GFM2: variants seen among roughly 807,000 people sequenced by gnomAD.
GFM2 encodes the protein ribosome-releasing factor 2, mitochondrial.
In GFM2, 72 loss-of-function variants were observed where a neutral mutation model predicts 95.4. That is an observed-to-expected ratio of 0.76 (90% confidence interval 0.62 to 0.92). The LOEUF is 0.92. Ranked by LOEUF, GFM2 falls within the 40% of genes least tolerant of loss-of-function variation. The pLI, the probability that GFM2 is intolerant of heterozygous loss-of-function variation, is 0.00. For synonymous variants in GFM2, 276 were observed against 317.5 expected (o/e 0.87, Z 1.39); for missense variants, 825 against 924.1 (o/e 0.89, Z 1.39).
intron 19 of GFM2, among the ~76,000 whole-genome samples, chr5:74,724,772 A>G (rs1291402367): frequency 6.6e-6 from 1 of 152,224 alleles, no homozygotes; most frequent in Non-Finnish European, 1.5e-5. Flanking sequence ...TCCAAGTATT[A>G]AAAAATGGCT....
At chr5:74,736,707 C>A in intron 15 of GFM2, 89 bp downstream of exon 15, 1 of 1,553,144 alleles carries the variant, frequency 6.4e-7, no homozygotes, top group South Asian at 1.2e-5. Flanking sequence ...TTACCTCAAT[C>A]ACATAAGAAA....
At chr5:74,755,074 C>T (rs563458713) in intron 5 of GFM2, among the ~76,000 whole-genome samples, 26 of 152,150 alleles carry the variant, frequency 1.7e-4, no homozygotes, top group East Asian at 9.7e-4. Context: ...CCAGGCTAGA[C>T]GACACAGCCA....
chr5:74,753,548 G>A (rs1743824572), intron 5 of GFM2, among the ~76,000 whole-genome samples: 1 of 152,136 alleles, frequency 6.6e-6, no homozygotes, highest in Non-Finnish European at 1.5e-5. Context: ...AGTGAGCCGA[G>A]ATTGTACCAC....
Position 74,721,606 on chromosome 5 carries a change from A to C in GFM2, c.*49T>G. On this transcript the variant is annotated 3_prime_UTR_variant, in exon 21 of 21. Coordinates refer to ENST00000296805, the MANE Select transcript of GFM2 (RefSeq NM_032380.5). ...AAGCAATAAAAATTGTTCTTACTGAAAATGAAGTAGCTAGGTGCTCCTGAA... is the reference window on the plus strand; with the variant it reads ...AAGCAATAAAAATTGTTCTTACTGACAATGAAGTAGCTAGGTGCTCCTGAA... 4 of 1,583,302 alleles carry C rather than the reference A, an allele frequency of 2.5e-6. No homozygotes were observed. The highest frequency in any genetic ancestry group is 3.4e-6 in the Non-Finnish European group (4 of 1,163,998).
At position 74,731,194 on chromosome 5, in the gene GFM2, A is replaced by G. The variant is rs192038195; in HGVS notation, c.1588-796T>C. The stretch of plus-strand genomic sequence containing the variant: ...CTATACCTTGTAAATGGGGGGAATA[A>G]CCTTTCTAAAAAACCTTTCCCAACA... On this transcript the variant is annotated intron_variant, in intron 16 of 20. Transcript: ENST00000296805. Among the ~76,000 whole-genome samples, 306 of 152,306 alleles carry G rather than the reference A, an allele frequency of 2.0e-3. 1 individual carries two copies. Among genetic ancestry groups the G allele is most frequent in the South Asian group, 0.013 (63 of 4,828 alleles).
At chr5:74,733,209 G>A (rs1407160548) in intron 15 of GFM2, 111 bp from the exon 16 acceptor site, 5 of 744,804 alleles carry the variant, frequency 6.7e-6, no homozygotes, top group East Asian at 2.9e-5. Flanking sequence ...AAGAAATTTC[G>A]ACCAGGTGTG....
At chr5:74,743,002 C>T (rs1293156679) in intron 10 of GFM2, among the ~76,000 whole-genome samples, 2 of 152,188 alleles carry the variant, frequency 1.3e-5, no homozygotes, top group East Asian at 1.9e-4. Flanking sequence ...GTGTTAAGTA[C>T]TTTCACATTA....
rs1317823668 is a variant in GFM2, at chr5:74,722,529, C to G, written c.2061G>C (p.Glu687Asp). Residue 687 changes from glutamate to aspartate, a missense_variant, in exon 20 of 21, where the codon GAG (glutamate) becomes GAC (aspartate). Coordinates refer to ENST00000296805, the MANE Select transcript of GFM2 (RefSeq NM_032380.5). ...ALKKADKQVLEPLMNLEVTVA... is the reference protein window; with the variant it reads ...ALKKADKQVLDPLMNLEVTVA... The stretch of plus-strand genomic sequence containing the variant: ...CTGTAACCTCAAGATTCATCAGAGG[C>G]TCCAAAACTTGCTTATCAGCTTTCT... 1.2e-6 allele frequency: 2 copies of G among 1,613,070 alleles called. No homozygotes were observed. The highest frequency in any genetic ancestry group is 2.7e-5 in the African/African-American group (2 of 74,840).
rs752752009 is a variant in GFM2, at chr5:74,725,751, T to A, written c.1917A>T (p.Pro639=). Residue 639 remains proline (P), a synonymous_variant, in exon 19 of 21, where the codon CCA becomes CCT. Coordinates refer to ENST00000296805, the MANE Select transcript of GFM2 (RefSeq NM_032380.5). The part of the protein sequence containing the change: ...NGIHSACLQG[P]LLGSPIQDVA... ...CATCCTGAATTGGGGATCCAAGCAA[T>A]GGTCCTAGACAAGGGAAAAAAATTG... is the stretch of plus-strand genomic sequence containing the variant. 6.2e-7 allele frequency: 1 copy of A among 1,610,916 alleles called. No individual in the cohort carries two copies. The highest frequency in any genetic ancestry group is 1.1e-5 in the South Asian group (1 of 90,986).
chr5:74,747,842 G>C (rs753517529), intron 7 of GFM2, 62 bp from the exon 8 acceptor site: 17 of 877,736 alleles, frequency 1.9e-5, no homozygotes, highest in Non-Finnish European at 3.1e-5. Context: ...ACTAGACCTG[G>C]AATGAAGAGA....
At chr5:74,758,257 A>C (rs1048872034) in intron 5 of GFM2, among the ~76,000 whole-genome samples, 5 of 152,170 alleles carry the variant, frequency 3.3e-5, no homozygotes, top group African/African-American at 1.2e-4. Context: ...TTATGGAAAA[A>C]ACAACTTCTG....
At position 74,725,938 on chromosome 5, in the gene GFM2, T is replaced by C; in HGVS notation, c.1912+3A>G. ...AATGCTTACTCTCATTTGAGTGTCT[T>C]ACCTTGGAGACATGCGCTGTGAATT... On this transcript the variant is annotated splice_donor_region_variant and intron_variant, in intron 18 of 20. Transcript: ENST00000296805. 1 of 1,605,800 alleles carries C rather than the reference T, an allele frequency of 6.2e-7. No individual in the cohort carries two copies. Among genetic ancestry groups the C allele is most frequent in the Non-Finnish European group, 8.5e-7 (1 of 1,175,866 alleles).
chr5:74,731,838 T>C (rs972387990), intron 16 of GFM2, among the ~76,000 whole-genome samples: 1 of 151,988 alleles, frequency 6.6e-6, no homozygotes, highest in African/African-American at 2.4e-5. Context: ...TTTTCAGTGG[T>C]TATTCTGCAG....
chr5:74,737,484 T>C (rs17670701), intron 14 of GFM2, among the ~76,000 whole-genome samples: 11,215 of 152,250 alleles, frequency 0.074, 609 homozygotes, highest in East Asian at 0.16. Context: ...ATTGTGAAGT[T>C]CTGTGCCAGT....
In GFM2 at chr5:74,730,039, T is replaced by A. The variant is rs137985752; in HGVS notation, c.1726+221A>T. On this transcript the variant is annotated intron_variant, in intron 17 of 20. Transcript: ENST00000296805. ...TTCCATGACCACTGAAAAGGACACT[T>A]GGTTGATGAGTGGTCATCCAGGAGA... Among the ~76,000 whole-genome samples, 150 of 152,228 alleles carry A rather than the reference T, an allele frequency of 9.9e-4. 1 individual carries two copies. The highest frequency in any genetic ancestry group is 3.4e-3 in the Middle Eastern group (1 of 294).
chr5:74,731,108 C>T (rs1272758855), intron 16 of GFM2, among the ~76,000 whole-genome samples: 4 of 152,176 alleles, frequency 2.6e-5, no homozygotes, highest in Non-Finnish European at 5.9e-5. Flanking sequence ...CCACCGCACC[C>T]GGCCAAAGCC....
intron 5 of GFM2, among the ~76,000 whole-genome samples, chr5:74,756,180 C>T (rs890979313): frequency 1.3e-5 from 2 of 152,132 alleles, no homozygotes; most frequent in Non-Finnish European, 2.9e-5. Context: ...TTAAAACCCT[C>T]CTCAAAATTG....
In GFM2 at chr5:74,721,620, G is replaced by GTTCTTACTGAAAATGAA; in HGVS notation, c.*34_*35insTTCATTTTCAGTAAGAA. 6.3e-7 allele frequency: 1 copy of GTTCTTACTGAAAATGAA among 1,597,834 alleles called. No homozygotes were observed. Among genetic ancestry groups the GTTCTTACTGAAAATGAA allele is most frequent in the Non-Finnish European group, 8.5e-7 (1 of 1,171,994 alleles). Reference sequence around the variant, plus strand: ...GTTCTTACTGAAAATGAAGTAGCTAGGTGCTCCTGAATTTCTCTCCAAAAA... The same window carrying GTTCTTACTGAAAATGAA: ...GTTCTTACTGAAAATGAAGTAGCTAGTTCTTACTGAAAATGAAGTGCTCCTGAATTTCTCTCCAAAAA... On this transcript the variant is annotated 3_prime_UTR_variant, in exon 21 of 21. Coordinates refer to ENST00000296805, the MANE Select transcript of GFM2 (RefSeq NM_032380.5).
chr5:74,726,180 G>T (rs1156415937), intron 17 of GFM2, 54 bp from the exon 18 acceptor site: 2 of 1,398,826 alleles, frequency 1.4e-6, no homozygotes, highest in East Asian at 2.3e-5. Flanking sequence ...AAGGTATCAA[G>T]GTACTATAAA....
Sources: allele counts gnomAD v4.1 joint callset (sites outside exome capture counted in the v4.1 genomes callset), GRCh38; gene constraint gnomAD v4.1.1; transcripts MANE v1.5; gene names NCBI Gene and HGNC (gene_info 2026-07-23, HGNC 2026-07-21).